PTPRF: variants seen among roughly 807,000 people sequenced by gnomAD.
PTPRF encodes protein tyrosine phosphatase receptor type F.
PTPRF carries 59 observed loss-of-function variants against 201.8 expected under a neutral mutation model. That is an observed-to-expected ratio of 0.29 (90% CI 0.24 to 0.36). The LOEUF (loss-of-function observed/expected upper bound fraction) is 0.36. Ranked by LOEUF, PTPRF falls within the 10% of genes least tolerant of loss-of-function variation. The pLI, the probability that PTPRF is intolerant of heterozygous loss-of-function variation, is 1.00. For synonymous variants in PTPRF, 1,088 were observed against 1,089.7 expected, an observed-to-expected ratio of 1.00 and a Z score of 0.03; for missense variants, 2,132 against 2,690.5, an observed-to-expected ratio of 0.79 and a Z score of 4.59.
At chr1:43,559,640 C>T (rs919507839) in intron 5 of PTPRF, among the ~76,000 whole-genome samples, 4 of 146,322 alleles carry the variant, frequency 2.7e-5, no homozygotes, top group African/African-American at 1.0e-4. Flanking sequence ...GTGTATGTAT[C>T]AGGCGGGGTG....
chr1:43,548,472 G>T (rs1644822090), intron 3 of PTPRF, among the ~76,000 whole-genome samples: 1 of 152,080 alleles, frequency 6.6e-6, no homozygotes, highest in Non-Finnish European at 1.5e-5. Flanking sequence ...CGTTCTATGG[G>T]TGGCCTGTCT....
chr1:43,561,379 C>A (rs975184692), intron 5 of PTPRF, among the ~76,000 whole-genome samples: 3 of 152,186 alleles, frequency 2.0e-5, no homozygotes, highest in African/African-American at 7.2e-5. Flanking sequence ...TTGGCCCAGG[C>A]CTGACTTTGA....
At chr1:43,609,573 G>A in intron 22 of PTPRF, 75 bp downstream of exon 22, 4 of 1,126,248 alleles carry the variant, frequency 3.6e-6, no homozygotes, top group Non-Finnish European at 5.2e-6. Flanking sequence ...CAGGTCTCAG[G>A]GTCGCCACTG....
chr1:43,563,647 C>CGA (rs1645963820), intron 5 of PTPRF, among the ~76,000 whole-genome samples: 2 of 152,124 alleles, frequency 1.3e-5, no homozygotes, highest in African/African-American at 4.8e-5. Flanking sequence ...GGGGTGCTGC[C>CGA]GAGAGGCCCG....
intron 22 of PTPRF, 38 bp from the exon 23 acceptor site, chr1:43,613,580 C>T: frequency 6.5e-7 from 1 of 1,534,840 alleles, no homozygotes; most frequent in South Asian, 1.1e-5. Context: ...GCTCAAGCCT[C>T]ACACTAATGC....
chr1:43,602,326 T>C (rs888722622), intron 14 of PTPRF, among the ~76,000 whole-genome samples: 6 of 152,252 alleles, frequency 3.9e-5, no homozygotes, highest in Admixed American at 2.6e-4. Flanking sequence ...CCAGTGTTCA[T>C]GATCGACCAG....
At chr1:43,604,245 T>A in intron 16 of PTPRF, 56 bp downstream of exon 16, 2 of 1,558,486 alleles carry the variant, frequency 1.3e-6, no homozygotes, top group Non-Finnish European at 8.7e-7. Context: ...TGGGGGTCTC[T>A]GCTCTCCTTG....
intron 7 of PTPRF, among the ~76,000 whole-genome samples, chr1:43,581,063 A>G (rs368413115): frequency 2.6e-5 from 4 of 152,354 alleles, no homozygotes; most frequent in East Asian, 1.9e-4. Context: ...TTGGAGATCG[A>G]CTGAGCTCAG....
At chr1:43,609,798 G>A (rs900422452) in intron 22 of PTPRF, among the ~76,000 whole-genome samples, 2 of 152,204 alleles carry the variant, frequency 1.3e-5, no homozygotes, top group Non-Finnish European at 2.9e-5. Context: ...ACCTCCCAGA[G>A]CCCACGTCTC....
intron 13 of PTPRF, 46 bp downstream of exon 13, chr1:43,598,959 G>A: frequency 1.9e-6 from 3 of 1,573,746 alleles, no homozygotes; most frequent in Non-Finnish European, 8.6e-7. Context: ...GCACAGACCA[G>A]CATGCACAAG....
Position 43,569,620 on chromosome 1 carries a change from T to C in PTPRF, c.410T>C (p.Ile137Thr). The change falls in exon 6 of 34, where the codon ATC becomes ACC. Residue 137 changes from isoleucine (I) to threonine (T), a missense_variant. By Grantham distance (89) the Ile-to-Thr change is moderately conservative. Transcript: ENST00000359947. ...EEQLPPGFPSIDMGPQLKVVE... is the reference protein window; with the variant it reads ...EEQLPPGFPSTDMGPQLKVVE... The stretch of plus-strand genomic sequence containing the variant: ...CAGCTGCCCCCTGGGTTCCCTTCCA[T>C]CGACATGGGGCCTCAGCTGAAGGTG... 6.2e-7 allele frequency: 1 copy of C among 1,610,788 alleles called. No individual in the cohort carries two copies. Among genetic ancestry groups the C allele is most frequent in the African/African-American group, 1.3e-5 (1 of 74,972 alleles).
intron 5 of PTPRF, among the ~76,000 whole-genome samples, chr1:43,561,419 C>T (rs541592993): frequency 2.6e-5 from 4 of 152,212 alleles, no homozygotes; most frequent in Admixed American, 2.6e-4. Flanking sequence ...AGGGCTATTG[C>T]AGGCACAAGA....
intron 5 of PTPRF, among the ~76,000 whole-genome samples, chr1:43,559,136 G>T (rs1339979837): frequency 6.6e-6 from 1 of 152,238 alleles, no homozygotes; most frequent in Non-Finnish European, 1.5e-5. Flanking sequence ...TGGGTGCCCT[G>T]TGTGCCATGT....
chr1:43,597,289 G>A (rs539736170), intron 11 of PTPRF, among the ~76,000 whole-genome samples: 181 of 152,030 alleles, frequency 1.2e-3, no homozygotes, highest in Non-Finnish European at 2.2e-3. Context: ...GTGTGACACT[G>A]TATATGACAC....
chr1:43,581,981 G>T (rs369708295), intron 7 of PTPRF, among the ~76,000 whole-genome samples: 1 of 152,154 alleles, frequency 6.6e-6, no homozygotes, highest in African/African-American at 2.4e-5. Flanking sequence ...CAAAACAAAC[G>T]TTGCAACGTG....
At chr1:43,525,428 G>A (rs1643068271), upstream of PTPRF, among the ~76,000 whole-genome samples, 1 of 152,156 alleles carries the variant, frequency 6.6e-6, no homozygotes, top group Non-Finnish European at 1.5e-5. Context: ...AGTAGCAAAG[G>A]CCACTGAGGA....
At chr1:43,616,772 G>A (rs114812266) in intron 23 of PTPRF, among the ~76,000 whole-genome samples, 1,557 of 152,182 alleles carry the variant, frequency 0.01, 33 homozygotes, top group African/African-American at 0.037. Flanking sequence ...CTGGGTACTC[G>A]GGGAAGAGCT....
intron 5 of PTPRF, among the ~76,000 whole-genome samples, chr1:43,559,916 TG>T (rs1645682204): frequency 6.8e-6 from 1 of 147,818 alleles, no homozygotes; most frequent in Non-Finnish European, 1.5e-5. Context: ...TGCGCGCGTG[TG>T]TACAGCAGGT....
At chr1:43,610,436 CA>C (rs1656163997) in intron 22 of PTPRF, among the ~76,000 whole-genome samples, 1 of 152,240 alleles carries the variant, frequency 6.6e-6, no homozygotes. Context: ...GGAATTCAGA[CA>C]GGGGCACAGC....
Sources: gnomAD v4.1 joint callset for allele counts (sites outside exome capture counted in the v4.1 genomes callset) on GRCh38, gnomAD v4.1.1 for gene constraint, MANE v1.5 for transcripts, NCBI Gene and HGNC (gene_info 2026-07-23, HGNC 2026-07-21) for gene names.